Variants in CHD6 observed in about 807,000 individuals in gnomAD.
The protein encoded by CHD6 is chromodomain helicase DNA binding protein 6.
Under a neutral mutation model 276.9 loss-of-function variants are expected in CHD6, and 50 were observed. The observed-to-expected ratio is 0.18, with a 90% CI of 0.14 to 0.23. The LOEUF (loss-of-function observed/expected upper bound fraction) is 0.23, where lower values mean the gene tolerates loss of function less well. CHD6 is among the 10% of genes least tolerant of loss of function. CHD6 has a pLI of 1.00. For missense variants in CHD6, 2,564 were observed against 3,365.8 expected (o/e 0.76, Z 5.89); for synonymous variants, 1,173 against 1,229.3 (o/e 0.95, Z 0.96).
chr20:41,581,534 G>A (rs1296515572), intron 1 of CHD6, among the ~76,000 whole-genome samples: 1 of 152,060 alleles, frequency 6.6e-6, no homozygotes, highest in Non-Finnish European at 1.5e-5. Flanking sequence ...AATTAGCTGG[G>A]TGTGGTGGTG....
intron 4 of CHD6, among the ~76,000 whole-genome samples, chr20:41,513,981 C>T (rs575422049): frequency 2.6e-5 from 4 of 152,210 alleles, no homozygotes; most frequent in East Asian, 3.8e-4. Context: ...ATCAACTCAA[C>T]GTGCTTGGCT....
Position 41,414,848 on chromosome 20 carries a change from C to T in CHD6, c.6939+338G>A, listed in dbSNP as rs531919804. The T allele has an allele frequency of 6.0e-5, 71 of 1,184,410 alleles. 2 individuals carry two copies. The South Asian group carries it at 1.7e-3, about 28-fold the overall frequency. The allele number at this position is 1,184,410 out of a possible 1,614,324, so 73.4% of individuals were successfully genotyped here. ...CCAGTCTTGGAGAGCCTCACTACCC[C>T]GGAGAAAAGCCGCTGCACACTCAAC... On this transcript the variant is annotated intron_variant, in intron 34 of 36. Transcript: ENST00000373233.
chr20:41,433,526 AG>A (rs2047609458), intron 27 of CHD6, among the ~76,000 whole-genome samples: 1 of 152,286 alleles, frequency 6.6e-6, no homozygotes, highest in East Asian at 1.9e-4. Flanking sequence ...TTGGGAACAA[AG>A]GGGATATTAA....
At chr20:41,413,282 G>T in intron 35 of CHD6, 42 bp downstream of exon 35, 1 of 1,441,220 alleles carries the variant, frequency 6.9e-7, no homozygotes, top group Non-Finnish European at 9.3e-7. Context: ...CAAGTCAGCA[G>T]GAAGTAAACA....
At chr20:41,593,464 G>A (rs188577000) in intron 1 of CHD6, among the ~76,000 whole-genome samples, 1 of 152,268 alleles carries the variant, frequency 6.6e-6, no homozygotes, top group Admixed American at 6.5e-5. Context: ...AGCAAGCCCA[G>A]CACCCACAGG....
chr20:41,548,475 C>T (rs992547930), intron 2 of CHD6, among the ~76,000 whole-genome samples: 1 of 152,136 alleles, frequency 6.6e-6, no homozygotes. Context: ...TCTCCTTACA[C>T]CTTATACAAA....
intron 1 of CHD6, among the ~76,000 whole-genome samples, chr20:41,596,955 T>C (rs2045723914): frequency 6.6e-6 from 1 of 151,952 alleles, no homozygotes; most frequent in Admixed American, 6.6e-5. Context: ...AGGCAAAAAA[T>C]CATGCTGTCC....
chr20:41,483,124 A>G (rs993166085), intron 16 of CHD6, among the ~76,000 whole-genome samples, 185 bp downstream of exon 16: 2 of 152,192 alleles, frequency 1.3e-5, no homozygotes, highest in African/African-American at 4.8e-5. Context: ...TACTCTTGAC[A>G]GTTAAACTTG....
intron 1 of CHD6, among the ~76,000 whole-genome samples, chr20:41,596,185 C>G (rs1475275491): frequency 6.6e-6 from 1 of 152,132 alleles, no homozygotes; most frequent in Non-Finnish European, 1.5e-5. Flanking sequence ...AGAAATAGAA[C>G]AATGCCACAG....
In CHD6 at chr20:41,420,503, T is replaced by C. The variant is rs759045043; in HGVS notation, c.6127+5A>G. ...CAAAATGCCACAAGATCCTACATAC[T>C]GTACCTTGACTATGGCAGTTTCCGT... On this transcript the variant is annotated splice_donor_5th_base_variant and intron_variant, in intron 31 of 36. Transcript: ENST00000373233. 2.5e-6 allele frequency: 4 copies of C among 1,603,988 alleles called. No homozygotes were observed. In the South Asian group the frequency reaches 3.3e-5, roughly 13 times the overall value.
At position 41,533,158 on chromosome 20, in the gene CHD6, T is replaced by A. The variant is rs572870848; in HGVS notation, c.446A>T (p.Asp149Val). Residue 149 changes from aspartate (D) to valine (V), a missense_variant, in exon 3 of 37, where the codon GAT becomes GTT. By Grantham distance (152) the Asp-to-Val change is radical. Coordinates refer to ENST00000373233, the MANE Select transcript of CHD6 (RefSeq NM_032221.5). ...AKEHKEPKQK[D>V]GAKKARKPRE... is the part of the protein sequence containing the mutation. The stretch of plus-strand genomic sequence containing the variant: ...GGGCTTCCGTGCCTTCTTTGCCCCA[T>A]CTTTTTGCTTCGGCTCCTTGTGCTC... 2.8e-5 allele frequency: 46 copies of A among 1,614,156 alleles called. No homozygotes were observed. Among genetic ancestry groups the A allele is most frequent in the Non-Finnish European group, 3.9e-5 (46 of 1,180,042 alleles).
chr20:41,533,270 T>C lies in CHD6; in HGVS notation c.334A>G (p.Lys112Glu). The C allele has an allele frequency of 1.9e-6, 3 of 1,613,832 alleles. No individual in the cohort carries two copies. The highest frequency in any genetic ancestry group is 2.5e-6 in the Non-Finnish European group (3 of 1,179,960). ...CTCTTTGGCTTGGGCTCTCTGTCCT[T>C]GCTTCCCTTTGCTGCACCCTCTTGG... ...GDQEGAAKGS[K>E]DREPKPKRKR... Residue 112 changes from lysine to glutamate, a missense_variant, in exon 3 of 37, where the codon AAG becomes GAG. Around this residue, in one of 7 missense-constraint regions of CHD6, gnomAD observed 286 missense variants for 297.8 expected, o/e 0.96. Coordinates refer to ENST00000373233, the MANE Select transcript of CHD6 (RefSeq NM_032221.5).
At chr20:41,605,384 T>C (rs2146294842) in intron 1 of CHD6, among the ~76,000 whole-genome samples, 1 of 152,306 alleles carries the variant, frequency 6.6e-6, no homozygotes, top group Non-Finnish European at 1.5e-5. Flanking sequence ...CAAAAATGCC[T>C]CAAAACATTC....
At chr20:41,526,557 T>C (rs2044541497) in intron 3 of CHD6, among the ~76,000 whole-genome samples, 1 of 152,170 alleles carries the variant, frequency 6.6e-6, no homozygotes, top group Admixed American at 6.5e-5. Flanking sequence ...CAAATGGTTA[T>C]ATAATCAGAA....
intron 17 of CHD6, among the ~76,000 whole-genome samples, chr20:41,463,928 G>A (rs1016937490): frequency 2.6e-5 from 4 of 152,144 alleles, no homozygotes; most frequent in African/African-American, 9.7e-5. Flanking sequence ...AGGGGACAAG[G>A]GGGTACAATG....
chr20:41,416,868 G>GT, intron 32 of CHD6, 74 bp from the exon 33 acceptor site: 2 of 1,289,130 alleles, frequency 1.6e-6, no homozygotes, highest in Non-Finnish European at 1.0e-6. Flanking sequence ...GAGATCAAGG[G>GT]TTAAGCTTTT....
chr20:41,484,846 T>C (rs992485152), intron 14 of CHD6, among the ~76,000 whole-genome samples: 1 of 152,088 alleles, frequency 6.6e-6, no homozygotes, highest in Non-Finnish European at 1.5e-5. Flanking sequence ...TCTCAGAAGA[T>C]AAAAAGGGAG....
chr20:41,520,542 C>T (rs11696510), intron 3 of CHD6, among the ~76,000 whole-genome samples: 1 of 151,698 alleles, frequency 6.6e-6, no homozygotes, highest in African/African-American at 2.4e-5. Context: ...AAGCTGGAAA[C>T]CATCATTCTC....
chr20:41,584,104 A>G (rs2045568151), intron 1 of CHD6, among the ~76,000 whole-genome samples: 1 of 152,140 alleles, frequency 6.6e-6, no homozygotes, highest in Admixed American at 6.5e-5. Context: ...ATGTTTCTAT[A>G]AGAAATCCAT....
Sources: gnomAD v4.1 joint callset for allele counts (sites outside exome capture counted in the v4.1 genomes callset) on GRCh38, gnomAD v4.1.1 for gene constraint, gnomAD v4.1.1 regional missense constraint, MANE v1.5 for transcripts, NCBI Gene and HGNC (gene_info 2026-07-23, HGNC 2026-07-21) for gene names.